Variants in ITGBL1 observed in about 807,000 individuals in gnomAD.
ITGBL1 encodes integrin beta-like protein 1.
ITGBL1 carries 51 observed loss-of-function variants against 68.5 expected under a neutral mutation model. That is an observed-to-expected ratio of 0.74 (90% CI 0.59 to 0.94). ITGBL1 has a LOEUF of 0.94. ITGBL1 is among the 40% of genes least tolerant of loss of function. ITGBL1 has a pLI of 0.00. For missense variants in ITGBL1, 649 were observed against 647.4 expected, an observed-to-expected ratio of 1.00 and a Z score of -0.03; for synonymous variants, 209 against 227.3, an observed-to-expected ratio of 0.92 and a Z score of 0.72.
chr13:101,605,889 T>A (rs371284450), intron 7 of ITGBL1, among the ~76,000 whole-genome samples: 1 of 149,590 alleles, frequency 6.7e-6, no homozygotes. Flanking sequence ...TATATAGACA[T>A]GTATGCGTGC....
chr13:101,618,831 G>T (rs543920226), intron 7 of ITGBL1, among the ~76,000 whole-genome samples: 1 of 152,200 alleles, frequency 6.6e-6, no homozygotes, highest in Non-Finnish European at 1.5e-5. Flanking sequence ...AAGATTAAAG[G>T]CTTTTCCTTA....
intron 2 of ITGBL1, among the ~76,000 whole-genome samples, chr13:101,531,991 C>T (rs1456569188): frequency 6.6e-6 from 1 of 152,034 alleles, no homozygotes; most frequent in Non-Finnish European, 1.5e-5. Flanking sequence ...ACCTCGGCCT[C>T]CCAAAGTGCT....
chr13:101,586,823 C>T (rs2050565476), intron 6 of ITGBL1, among the ~76,000 whole-genome samples: 1 of 152,162 alleles, frequency 6.6e-6, no homozygotes, highest in East Asian at 1.9e-4. Context: ...CTTACAGAAT[C>T]TGTAGAATTC....
chr13:101,656,133 G>T (rs2032916358), intron 7 of ITGBL1, among the ~76,000 whole-genome samples: 1 of 152,156 alleles, frequency 6.6e-6, no homozygotes, highest in Non-Finnish European at 1.5e-5. Context: ...CTGAAGACCT[G>T]GGATATATAG....
At chr13:101,479,439 A>G (rs539368841) in intron 2 of ITGBL1, among the ~76,000 whole-genome samples, 2 of 152,272 alleles carry the variant, frequency 1.3e-5, no homozygotes, top group East Asian at 3.9e-4. Context: ...ACAGGCAACC[A>G]AAGCAAAAAT....
chr13:101,698,563 CAT>C (rs1330495314), intron 8 of ITGBL1, among the ~76,000 whole-genome samples: 1 of 152,168 alleles, frequency 6.6e-6, no homozygotes, highest in Non-Finnish European at 1.5e-5. Context: ...ACTTGTGAGT[CAT>C]GTTCAATCAT....
intron 8 of ITGBL1, among the ~76,000 whole-genome samples, chr13:101,693,318 C>T (rs9585756): frequency 1.5e-3 from 222 of 152,264 alleles, no homozygotes; most frequent in African/African-American, 5.2e-3. Context: ...AAGTTCATAT[C>T]GCTGAGGCTG....
intron 2 of ITGBL1, among the ~76,000 whole-genome samples, chr13:101,543,186 T>C (rs2049744786): frequency 1.3e-5 from 2 of 152,296 alleles, no homozygotes; most frequent in South Asian, 2.1e-4. Flanking sequence ...TTTTTTGTGG[T>C]GGCTGGTACT....
intron 2 of ITGBL1, among the ~76,000 whole-genome samples, chr13:101,560,019 C>T (rs2050073557): frequency 6.6e-6 from 1 of 152,080 alleles, no homozygotes; most frequent in African/African-American, 2.4e-5. Context: ...GCAGAAATAC[C>T]TAAGGAACAT....
At chr13:101,567,019 T>C (rs1288469627) in intron 2 of ITGBL1, among the ~76,000 whole-genome samples, 1 of 152,146 alleles carries the variant, frequency 6.6e-6, no homozygotes, top group Non-Finnish European at 1.5e-5. Flanking sequence ...GTCAGACTAA[T>C]GTGCAATCAA....
chr13:101,476,075 T>C (rs1461210385), intron 2 of ITGBL1, among the ~76,000 whole-genome samples: 1 of 152,172 alleles, frequency 6.6e-6, no homozygotes, highest in East Asian at 1.9e-4. Flanking sequence ...TAATTGTGTG[T>C]AAAATATTTA....
At chr13:101,482,795 T>A (rs925902772) in intron 2 of ITGBL1, among the ~76,000 whole-genome samples, 2 of 151,986 alleles carry the variant, frequency 1.3e-5, no homozygotes, top group Non-Finnish European at 2.9e-5. Flanking sequence ...AGGAAAAAAA[T>A]TGCAATTTAC....
chr13:101,579,514 G>A, intron 5 of ITGBL1, 87 bp downstream of exon 5: 1 of 1,347,610 alleles, frequency 7.4e-7, no homozygotes. Flanking sequence ...ATTTCCTCTA[G>A]TGTGGGAGGA....
intron 2 of ITGBL1, among the ~76,000 whole-genome samples, chr13:101,480,911 G>A (rs2048609949): frequency 6.6e-6 from 1 of 151,592 alleles, no homozygotes; most frequent in Admixed American, 6.6e-5. Flanking sequence ...TGCTTGCCTA[G>A]GCCAGCAGGT....
chr13:101,662,445 CT>C (rs2033111025), intron 7 of ITGBL1, among the ~76,000 whole-genome samples: 2 of 152,112 alleles, frequency 1.3e-5, no homozygotes, highest in African/African-American at 4.8e-5. Context: ...TCTACATTTT[CT>C]ATAGTCAGGG....
At chr13:101,676,818 T>C (rs2033515168) in intron 7 of ITGBL1, among the ~76,000 whole-genome samples, 1 of 152,216 alleles carries the variant, frequency 6.6e-6, no homozygotes, top group African/African-American at 2.4e-5. Context: ...TAAGATATTA[T>C]TTAAATTACC....
chr13:101,489,248 C>A (rs554827560), intron 2 of ITGBL1, among the ~76,000 whole-genome samples: 23 of 152,310 alleles, frequency 1.5e-4, no homozygotes, highest in Middle Eastern at 3.4e-3. Flanking sequence ...ATAGCCCTGG[C>A]ATTCCAGTCT....
At chr13:101,588,502 A>G (rs2050597096) in intron 6 of ITGBL1, among the ~76,000 whole-genome samples, 1 of 152,152 alleles carries the variant, frequency 6.6e-6, no homozygotes, top group Non-Finnish European at 1.5e-5. Context: ...GGCTTAACAT[A>G]CACATAAATT....
chr13:101,485,170 G>T (rs936636099), intron 2 of ITGBL1, among the ~76,000 whole-genome samples: 1 of 152,116 alleles, frequency 6.6e-6, no homozygotes, highest in East Asian at 1.9e-4. Context: ...GCTTACAAAA[G>T]AGAATCATCA....
Sources: gnomAD v4.1 joint callset for allele counts (sites outside exome capture counted in the v4.1 genomes callset) on GRCh38, gnomAD v4.1.1 for gene constraint, MANE v1.5 for transcripts, NCBI Gene and HGNC (gene_info 2026-07-23, HGNC 2026-07-21) for gene names.